TSPAN16: variants seen among roughly 807,000 people sequenced by gnomAD.
TSPAN16 encodes the protein tetraspanin-16.
In TSPAN16, 23 loss-of-function variants were observed where a neutral mutation model predicts 25.2. The observed-to-expected ratio is 0.91, with a 90% confidence interval of 0.66 to 1.29. TSPAN16 has a LOEUF of 1.29. Among genes scored for constraint, TSPAN16 ranks in the 50% most tolerant of loss-of-function variants. TSPAN16 has a pLI of 0.00. For missense variants in TSPAN16, 272 were observed against 299.9 expected (o/e 0.91, Z 0.69); for synonymous variants, 123 against 124.4 (o/e 0.99, Z 0.08).
intron 5 of TSPAN16, among the ~76,000 whole-genome samples, chr19:11,309,410 C>T (rs565501571): frequency 6.6e-6 from 1 of 152,308 alleles, no homozygotes; most frequent in East Asian, 1.9e-4. Flanking sequence ...AACCTTTCCC[C>T]CTTGCTCACT....
At chr19:11,317,587 C>T (rs921104556), downstream of TSPAN16, among the ~76,000 whole-genome samples, 7 of 151,706 alleles carry the variant, frequency 4.6e-5, no homozygotes, top group African/African-American at 9.7e-5. Flanking sequence ...CTCAGCCTTC[C>T]GGGTTCAAGT....
At chr19:11,296,494 G>T (rs2080479652) in intron 1 of TSPAN16, 128 bp downstream of exon 1, 1 of 935,226 alleles carries the variant, frequency 1.1e-6, no homozygotes, top group Non-Finnish European at 1.7e-6. Context: ...AAGCAGGAGG[G>T]ATGTAGGGCA....
intron 1 of TSPAN16, among the ~76,000 whole-genome samples, chr19:11,296,968 C>T (rs754311387): frequency 3.3e-5 from 5 of 152,046 alleles, no homozygotes; most frequent in South Asian, 2.1e-4. Flanking sequence ...TGAACCTGGG[C>T]GGCAGAGGTT....
downstream of TSPAN16, among the ~76,000 whole-genome samples, chr19:11,317,209 T>C (rs772567405): frequency 6.6e-6 from 1 of 152,210 alleles, no homozygotes; most frequent in Non-Finnish European, 1.5e-5. Context: ...TCTAACGATA[T>C]GTTCATTTGC....
chr19:11,300,977 G>A lies in TSPAN16; in HGVS notation c.343-224G>A, dbSNP rs2080539570. On this transcript the variant is annotated intron_variant, in intron 3 of 6. Transcript: ENST00000590327. Reference sequence around the variant, plus strand: ...GTGTGCGATGGGTACAGAGAGATACGCTTGGCTCCAGACCCACGCGTCTCC... The same window carrying A: ...GTGTGCGATGGGTACAGAGAGATACACTTGGCTCCAGACCCACGCGTCTCC... 17 of 503,432 alleles carry A rather than the reference G, an allele frequency of 3.4e-5. 1 individual carries two copies. In the South Asian group the frequency reaches 3.8e-4, roughly 11 times the overall value. The allele number at this position is 503,432 out of a possible 1,614,324, so 31.2% of individuals were successfully genotyped here. A position where few individuals can be genotyped will look rare whatever the true frequency, so the allele number is the denominator to read the frequency against.
intron 6 of TSPAN16, chr19:11,324,101 G>C (rs1011970173): frequency 6.6e-6 from 1 of 152,106 alleles, no homozygotes; most frequent in Non-Finnish European, 1.5e-5. Flanking sequence ...TGTCTACAAA[G>C]TACAAGCAGT....
chr19:11,306,967 C>T (rs905351578), intron 5 of TSPAN16: 14 of 496,100 alleles, frequency 2.8e-5, no homozygotes, highest in African/African-American at 9.8e-5. Flanking sequence ...AGGCATGCAC[C>T]GCCACACCCG....
downstream of TSPAN16, among the ~76,000 whole-genome samples, chr19:11,316,178 G>A (rs1451435261): frequency 6.7e-6 from 1 of 150,084 alleles, no homozygotes; most frequent in Non-Finnish European, 1.5e-5. Context: ...GAGTGCAATG[G>A]CACGATCTCA....
intron 6 of TSPAN16, chr19:11,322,009 A>C (rs2080782781): frequency 6.6e-6 from 1 of 152,162 alleles, no homozygotes; most frequent in East Asian, 1.9e-4. Flanking sequence ...GCTTAGTTGC[A>C]AATCAAACCC....
Position 11,298,901 on chromosome 19 carries a change from C to G in TSPAN16, c.297C>G (p.Ile99Met), listed in dbSNP as rs570440838. ...TCCTGTCAATGGTTATTGTCCTCAT[C>G]ATGGAAGTTACAGCTGCCACAGTGG... The part of the protein sequence containing the change: ...FCILSMVIVL[I>M]MEVTAATVVL... Residue 99 changes from isoleucine (I) to methionine (M), a missense_variant, in exon 3 of 7, where the codon ATC becomes ATG. Physicochemically the swap from Ile to Met is conservative, Grantham distance 10. Coordinates refer to ENST00000590327, the MANE Select transcript of TSPAN16 (RefSeq NM_001282509.2). The G allele has an allele frequency of 9.9e-6, 16 of 1,614,130 alleles. No homozygotes were observed. In the South Asian group the frequency reaches 1.1e-4, roughly 11 times the overall value.
chr19:11,308,159 G>C (rs1468023459), intron 5 of TSPAN16: 1 of 152,144 alleles, frequency 6.6e-6, no homozygotes, highest in Non-Finnish European at 1.5e-5. Context: ...CTGTGTCCAG[G>C]GAGTAATGAG....
At position 11,296,313 on chromosome 19, in the gene TSPAN16, A is replaced by C. The variant is rs1232787912; in HGVS notation, c.16A>C (p.Thr6Pro). The change falls in exon 1 of 7, where the codon ACT becomes CCT. Residue 6 changes from threonine (T) to proline (P), a missense_variant. By Grantham distance (38) the Thr-to-Pro change is conservative (BLOSUM62 -1). Coordinates refer to ENST00000590327, the MANE Select transcript of TSPAN16 (RefSeq NM_001282509.2). The stretch of plus-strand genomic sequence containing the variant: ...TCTGTTCAGCATGGCTGAAATCCAC[A>C]CTCCGTATTCTTCCTTGAAGAAACT... MAEIH[T>P]PYSSLKKLLS... The C allele has an allele frequency of 1.2e-6, 2 of 1,613,870 alleles. No individual in the cohort carries two copies.
rs77582134 is a variant in TSPAN16 at position 11,306,541 on chromosome 19, G to A, written c.451-63G>A. 3.0e-3 allele frequency: 4,786 copies of A among 1,595,528 alleles called. 75 individuals are homozygous for A. The African/African-American group carries it at 0.051, about 17-fold the overall frequency. ...ATACTAGACGGTAGCCATGGTAACC[G>A]TGATTTCTGATGTTTTTATTATTTG... On this transcript the variant is annotated intron_variant, in intron 4 of 6. Transcript: ENST00000590327.
At chr19:11,301,012 T>C (rs2080540234) in intron 3 of TSPAN16, 189 bp from the exon 4 acceptor site, 1 of 560,786 alleles carries the variant, frequency 1.8e-6, no homozygotes, top group South Asian at 2.1e-5. Context: ...CCTGTTTCCC[T>C]CTCTTGTGGT....
rs1555703611 is a variant in TSPAN16 at position 11,302,671 on chromosome 19, A to ATATGTG, written c.450+1366_450+1367insGTGTAT. On this transcript the variant is annotated intron_variant, in intron 4 of 6. Transcript: ENST00000590327. ...TATATATACACATACATATATATAT[A>ATATGTG]TATATATACACACACACACACACAC... 4.7e-3 allele frequency among the ~76,000 whole-genome samples: 591 copies of ATATGTG among 126,316 alleles called. 3 individuals are homozygous for ATATGTG. Among genetic ancestry groups the ATATGTG allele is most frequent in the African/African-American group, 0.023 (544 of 23,840 alleles). The allele number at this position is 126,316 out of a possible 152,430, so 82.9% of individuals were successfully genotyped here. A position where few individuals can be genotyped will look rare whatever the true frequency, so the allele number is the denominator to read the frequency against.
intron 6 of TSPAN16, chr19:11,323,307 C>T (rs914996712): frequency 2.0e-5 from 3 of 152,116 alleles, no homozygotes; most frequent in African/African-American, 7.2e-5. Context: ...ATAAAAGATA[C>T]CCTCGGCTGG....
intron 5 of TSPAN16, among the ~76,000 whole-genome samples, chr19:11,309,571 C>T (rs960938887): frequency 1.3e-5 from 2 of 152,232 alleles, no homozygotes; most frequent in Admixed American, 1.3e-4. Context: ...GCACTTTCTC[C>T]GTGAGGCTGT....
intron 4 of TSPAN16, among the ~76,000 whole-genome samples, chr19:11,303,375 C>T (rs1256809335): frequency 4.1e-5 from 6 of 147,160 alleles, no homozygotes; most frequent in South Asian, 2.2e-4. Flanking sequence ...CGTTAAGAGT[C>T]GTCACCACTC....
At chr19:11,317,373 A>C (rs960253799), downstream of TSPAN16, among the ~76,000 whole-genome samples, 2 of 152,158 alleles carry the variant, frequency 1.3e-5, no homozygotes, top group African/African-American at 4.8e-5. Context: ...TGGAGTGCAG[A>C]GATGTGATTG....
Sources: allele counts gnomAD v4.1 joint callset (sites outside exome capture counted in the v4.1 genomes callset), GRCh38; gene constraint gnomAD v4.1.1; transcripts MANE v1.5; gene names NCBI Gene and HGNC (gene_info 2026-07-23, HGNC 2026-07-21).